ASXL2: variants seen among roughly 807,000 people sequenced by gnomAD.
ASXL2 encodes the protein ASXL transcriptional regulator 2.
Under a neutral mutation model 122.0 loss-of-function variants are expected in ASXL2, and 23 were observed. The ratio of observed to expected loss-of-function variants is 0.19; its 90% confidence interval spans 0.14 to 0.27. The LOEUF (loss-of-function observed/expected upper bound fraction) is 0.27, where lower values mean the gene tolerates loss of function less well. ASXL2 is among the 10% of genes least tolerant of loss of function. ASXL2 has a pLI of 1.00. For synonymous variants in ASXL2, 650 were observed against 637.0 expected (o/e 1.02, Z -0.31); for missense variants, 1,518 against 1,713.8 (o/e 0.89, Z 2.02).
At chr2:25,792,600 ATTTTTTTCTT>A (rs1316467463) in intron 5 of ASXL2, among the ~76,000 whole-genome samples, 1 of 151,894 alleles carries the variant, frequency 6.6e-6, no homozygotes, top group East Asian at 1.9e-4. Context: ...CTAGTAAATA[ATTTTTTTCTT>A]TTTTTTTCTT....
chr2:25,754,720 T>G (rs1335428105), intron 10 of ASXL2, among the ~76,000 whole-genome samples: 1 of 152,114 alleles, frequency 6.6e-6, no homozygotes, highest in Non-Finnish European at 1.5e-5. Flanking sequence ...CGCAGTATCA[T>G]TGCTGACAGT....
intron 3 of ASXL2, among the ~76,000 whole-genome samples, chr2:25,819,097 A>G (rs1015901487): frequency 6.6e-6 from 1 of 152,138 alleles, no homozygotes; most frequent in African/African-American, 2.4e-5. Flanking sequence ...ATAACCCACA[A>G]GGATTGAATC....
At chr2:25,758,680 G>GTTTTTTTTTTTTTTTTTTTTTTT (rs369670596) in intron 9 of ASXL2, among the ~76,000 whole-genome samples, 1 of 133,880 alleles carries the variant, frequency 7.5e-6, no homozygotes, top group African/African-American at 2.7e-5. Flanking sequence ...TGCTACTTTT[G>GTTTTTTTTTTTTTTTTTTTTTTT]TTTTTTTTTT....
chr2:25,866,130 TTTTC>T (rs1249950664), intron 1 of ASXL2, among the ~76,000 whole-genome samples: 18 of 151,872 alleles, frequency 1.2e-4, no homozygotes, highest in African/African-American at 3.9e-4. Context: ...CAATTTTCTT[TTTTC>T]TTTTTTTTTT....
chr2:25,809,754 T>C (rs890519458), intron 3 of ASXL2, among the ~76,000 whole-genome samples: 4 of 152,178 alleles, frequency 2.6e-5, no homozygotes, highest in African/African-American at 9.7e-5. Context: ...CTAGCCCAGC[T>C]GGAATCTCTG....
intron 5 of ASXL2, among the ~76,000 whole-genome samples, chr2:25,787,353 C>T (rs771940895): frequency 1.1e-4 from 16 of 152,184 alleles, no homozygotes; most frequent in Non-Finnish European, 8.8e-5. Context: ...AAACCCACTG[C>T]AGGAATAGGA....
chr2:25,849,649 AT>A (rs2089693713), intron 1 of ASXL2, among the ~76,000 whole-genome samples: 1 of 151,298 alleles, frequency 6.6e-6, no homozygotes, highest in Non-Finnish European at 1.5e-5. Context: ...TAATTTTTGT[AT>A]TTTTTTGTAG....
In ASXL2 at chr2:25,781,962, TTTTC is replaced by T. The variant is rs1391078161; in HGVS notation, c.404-10426_404-10423del. On this transcript the variant is annotated intron_variant, in intron 5 of 12. Coordinates refer to ENST00000435504, the MANE Select transcript of ASXL2 (RefSeq NM_018263.6). Reference sequence around the variant, plus strand: ...CAGGCGTGAGCCACCGCCCGGGCTTTTTTCTTTTTTTTTTTTTTTTTTTGTAGAG... The same window carrying T: ...CAGGCGTGAGCCACCGCCCGGGCTTTTTTTTTTTTTTTTTTTTTTGTAGAG... Among the ~76,000 whole-genome samples, 188 of 70,032 alleles carry T rather than the reference TTTTC, an allele frequency of 2.7e-3. 23 individuals are homozygous for T. Among genetic ancestry groups the T allele is most frequent in the Middle Eastern group, 0.013 (2 of 158 alleles). 45.9% of individuals were successfully genotyped at this position (70,032 alleles called of 152,430 possible). A position where few individuals can be genotyped will look rare whatever the true frequency, so the allele number is the denominator to read the frequency against.
chr2:25,745,030 GA>G (rs1289183709), intron 12 of ASXL2, among the ~76,000 whole-genome samples: 1 of 151,130 alleles, frequency 6.6e-6, no homozygotes, highest in Non-Finnish European at 1.5e-5. Context: ...GCACTGGAAG[GA>G]AGACAATGTG....
chr2:25,878,397 A>C lies in ASXL2; in HGVS notation c.-175T>G. On this transcript the variant is annotated 5_prime_UTR_variant, in exon 1 of 13. It removes the in-frame stop codon of an upstream open reading frame in the 5' UTR. Coordinates refer to ENST00000435504, the MANE Select transcript of ASXL2 (RefSeq NM_018263.6). ...GCGGGGGTGGTGCGCGGGGGGGTCT[A>C]TGGGGCGGCCGGTCCTCTTGCTGCC... is the stretch of plus-strand genomic sequence containing the variant. The C allele has an allele frequency of 4.9e-6, 3 of 608,362 alleles. No individual in the cohort carries two copies. The highest frequency in any genetic ancestry group is 1.9e-5 in the African/African-American group (1 of 53,700). The allele number at this position is 608,362 out of a possible 1,614,324, so 37.7% of individuals were successfully genotyped here. A position where few individuals can be genotyped will look rare whatever the true frequency, so the allele number is the denominator to read the frequency against.
intron 5 of ASXL2, among the ~76,000 whole-genome samples, chr2:25,782,490 GA>G (rs2088662170): frequency 6.6e-6 from 1 of 152,114 alleles, no homozygotes; most frequent in South Asian, 2.1e-4. Context: ...AGGTTGCAGT[GA>G]GCCGAGACAG....
intron 1 of ASXL2, among the ~76,000 whole-genome samples, chr2:25,846,694 TA>T: frequency 6.6e-6 from 1 of 152,006 alleles, no homozygotes; most frequent in Middle Eastern, 3.4e-3. Flanking sequence ...TGCTCGCCTA[TA>T]ATTTTAGCTA....
intron 5 of ASXL2, among the ~76,000 whole-genome samples, chr2:25,782,677 T>C (rs1365363793): frequency 6.6e-6 from 1 of 152,236 alleles, no homozygotes; most frequent in Non-Finnish European, 1.5e-5. Flanking sequence ...CACTGGTTTC[T>C]CAACTCAGTT....
At chr2:25,865,766 C>T (rs556313416) in intron 1 of ASXL2, among the ~76,000 whole-genome samples, 2 of 90,628 alleles carry the variant, frequency 2.2e-5, no homozygotes, top group African/African-American at 4.7e-5. Context: ...CAGAGCAAGA[C>T]TCCGTCTCAA....
intron 8 of ASXL2, among the ~76,000 whole-genome samples, chr2:25,761,672 C>CAAAAA (rs1184631489): frequency 1.8e-5 from 1 of 56,864 alleles, no homozygotes; most frequent in African/African-American, 6.3e-5. Context: ...GACTCCGTCT[C>CAAAAA]AAAAAAAAAA....
At chr2:25,756,476 GAAA>G (rs796246064) in intron 9 of ASXL2, among the ~76,000 whole-genome samples, 2 of 104,394 alleles carry the variant, frequency 1.9e-5, no homozygotes, top group Non-Finnish European at 4.2e-5. Flanking sequence ...AAAAAAAAAA[GAAA>G]AAAAAAAAAG....
chr2:25,834,394 C>T (rs996391877), intron 3 of ASXL2, among the ~76,000 whole-genome samples: 1 of 152,028 alleles, frequency 6.6e-6, no homozygotes, highest in Non-Finnish European at 1.5e-5. Context: ...CAAATACATG[C>T]TCCCTTCAAA....
intron 3 of ASXL2, among the ~76,000 whole-genome samples, chr2:25,809,370 TTTTTGTTGTTGTTTG>T (rs766658180): frequency 2.0e-5 from 3 of 152,176 alleles, no homozygotes; most frequent in Non-Finnish European, 2.9e-5. Context: ...TTTTGTTTTG[TTTTTGTTGTTGTTTG>T]GCTAACTCCT....
chr2:25,803,745 C>T (rs1374312586), intron 4 of ASXL2, among the ~76,000 whole-genome samples: 1 of 152,190 alleles, frequency 6.6e-6, no homozygotes, highest in Non-Finnish European at 1.5e-5. Flanking sequence ...CTACAAGAAT[C>T]TCATGCTGCC....
Sources: gnomAD v4.1 joint callset for allele counts (sites outside exome capture counted in the v4.1 genomes callset) on GRCh38, gnomAD v4.1.1 for gene constraint, MANE v1.5 for transcripts, NCBI Gene and HGNC (gene_info 2026-07-23, HGNC 2026-07-21) for gene names.